MCEMP1: variants seen among roughly 807,000 people sequenced by gnomAD.
The protein encoded by MCEMP1 is mast cell expressed membrane protein 1, also known as mast cell-expressed membrane protein 1.
In MCEMP1, 17 loss-of-function variants were observed where a neutral mutation model predicts 27.9. The ratio of observed to expected loss-of-function variants is 0.61; its 90% CI spans 0.42 to 0.91. The LOEUF (loss-of-function observed/expected upper bound fraction) is 0.91, where lower values mean the gene tolerates loss of function less well. MCEMP1 is among the 40% of genes least tolerant of loss of function. The pLI is 0.00. For synonymous variants in MCEMP1, 88 were observed against 76.9 expected, an observed-to-expected ratio of 1.14 and a Z score of -0.76; for missense variants, 200 against 204.8, an observed-to-expected ratio of 0.98 and a Z score of 0.14.
In MCEMP1 at chr19:7,677,711, C is replaced by T. The variant is rs575394812; in HGVS notation, c.130C>T (p.Arg44Ter). Residue 44 changes from arginine to a stop codon, truncating the protein, a stop_gained, in exon 2 of 7, where the codon CGA becomes TGA. Transcript: ENST00000333598. LOFTEE classifies it high-confidence loss of function. This position sits in a 1 kb window ranked among gnomAD's most constrained non-coding sequence, Gnocchi z 4.6. ...NQDHAKGGHS[R>*]PTSQVPAQCR... ...GGACCATGCAAAGGGTGGTCATTCA[C>T]GACCCACGAGCCAAGGTGAGCAGAC... 13 of 1,608,158 alleles carry T rather than the reference C, an allele frequency of 8.1e-6. No individual in the cohort carries two copies. The highest frequency in any genetic ancestry group is 1.1e-5 in the South Asian group (1 of 90,258).
At position 7,679,001 on chromosome 19, in the gene MCEMP1, C is replaced by T; in HGVS notation, c.508+18C>T. On this transcript the variant is annotated intron_variant, in intron 6 of 6. Transcript: ENST00000333598. This position sits in a 1 kb window ranked among gnomAD's most constrained non-coding sequence, Gnocchi z 4.9. ...AATGCCACGTAAGTTGGCGCCCCGA[C>T]AGGAGGTGGAGGAGGGTGGGTGGGG... 1 of 1,599,616 alleles carries T rather than the reference C, an allele frequency of 6.3e-7. No individual in the cohort carries two copies. The highest frequency in any genetic ancestry group is 8.5e-7 in the Non-Finnish European group (1 of 1,172,268).
At position 7,679,191 on chromosome 19, in the gene MCEMP1, C is replaced by A. The variant is rs2032592088; in HGVS notation, c.*77C>A. 3 of 31,576 alleles carry A rather than the reference C, an allele frequency of 9.5e-5. No homozygotes were observed. Among genetic ancestry groups the A allele is most frequent in the Admixed American group, 1.8e-3 (1 of 564 alleles). 2.0% of individuals were successfully genotyped at this position (31,576 alleles called of 1,614,324 possible). Reference sequence around the variant, plus strand: ...CCTGCCAACGAAGACGGGAAATGACCCCCCCCCCCCAGCCTAGTGTGAACC... The same window carrying A: ...CCTGCCAACGAAGACGGGAAATGACACCCCCCCCCCAGCCTAGTGTGAACC... On this transcript the variant is annotated 3_prime_UTR_variant, in exon 7 of 7. Transcript: ENST00000333598. The surrounding 1 kb of genome is among the most constrained non-coding windows in gnomAD (Gnocchi z 4.9).
Position 7,678,785 on chromosome 19 carries a change from A to G in MCEMP1, c.449-139A>G, listed in dbSNP as rs1374550121. The G allele has an allele frequency of 1.8e-6, 2 of 1,105,942 alleles. No individual in the cohort carries two copies. The highest frequency in any genetic ancestry group is 1.3e-6 in the Non-Finnish European group (1 of 769,090). 68.5% of individuals were successfully genotyped at this position (1,105,942 alleles called of 1,614,324 possible). A position where few individuals can be genotyped will look rare whatever the true frequency, so the allele number is the denominator to read the frequency against. On this transcript the variant is annotated intron_variant, in intron 5 of 6. Coordinates refer to ENST00000333598, the MANE Select transcript of MCEMP1 (RefSeq NM_174918.3). This position sits in a 1 kb window ranked among gnomAD's most constrained non-coding sequence, Gnocchi z 4.8. ...TGTGGGTATTGAAAGGCTCCTGGGA[A>G]CCCCAAATCCATGGGCTCTGCTGTA...
chr19:7,677,678 A>G lies in MCEMP1; in HGVS notation c.97A>G (p.Lys33Glu), dbSNP rs1290244326. The G allele has an allele frequency of 6.2e-7, 1 of 1,613,746 alleles. No individual in the cohort carries two copies. Among genetic ancestry groups the G allele is most frequent in the Non-Finnish European group, 8.5e-7 (1 of 1,179,808 alleles). ...PDYENITLAF[K>E]NQDHAKGGHS... ...CTATGAGAATATCACCTTGGCCTTC[A>G]AAAATCAGGACCATGCAAAGGGTGG... is the stretch of plus-strand genomic sequence containing the variant. The change falls in exon 2 of 7, where the codon AAA becomes GAA. Residue 33 changes from lysine to glutamate, a missense_variant. Transcript: ENST00000333598. This position sits in a 1 kb window ranked among gnomAD's most constrained non-coding sequence, Gnocchi z 4.6.
chr19:7,678,474 C>G lies in MCEMP1; in HGVS notation c.335-17C>G. On this transcript the variant is annotated splice_polypyrimidine_tract_variant and intron_variant, in intron 4 of 6. Transcript: ENST00000333598. This position sits in a 1 kb window ranked among gnomAD's most constrained non-coding sequence, Gnocchi z 4.8. ...GAGAGGGATGGATGCACAGACACCC[C>G]TGTTTCATGCCCTCAGTCTCAAACT... 1 of 1,613,732 alleles carries G rather than the reference C, an allele frequency of 6.2e-7. No individual in the cohort carries two copies. Among genetic ancestry groups the G allele is most frequent in the South Asian group, 1.1e-5 (1 of 91,070 alleles).
At position 7,678,574 on chromosome 19, in the gene MCEMP1, A is replaced by G. The variant is rs756315122; in HGVS notation, c.418A>G (p.Lys140Glu). ...VQQSITMVRS[K>E]IDRLETTLAG... ...GCAGAGCATCACCATGGTCAGGAGC[A>G]AGATTGATAGATTAGAGACGACATT... The change falls in exon 5 of 7, where the codon AAG becomes GAG. Residue 140 changes from lysine to glutamate, a missense_variant. Transcript: ENST00000333598. The surrounding 1 kb of genome is among the most constrained non-coding windows in gnomAD (Gnocchi z 4.8). 6.2e-7 allele frequency: 1 copy of G among 1,614,088 alleles called. No homozygotes were observed. The highest frequency in any genetic ancestry group is 8.5e-7 in the Non-Finnish European group (1 of 1,179,958).
chr19:7,678,813 C>T lies in MCEMP1; in HGVS notation c.449-111C>T, dbSNP rs779493629. On this transcript the variant is annotated intron_variant, in intron 5 of 6. Transcript: ENST00000333598. This position sits in a 1 kb window ranked among gnomAD's most constrained non-coding sequence, Gnocchi z 4.8. ...CCAAATCCATGGGCTCTGCTGTACCCCAGGGTGGGTGTGGGGCAGGGGGGG... is the reference window on the plus strand; with the variant it reads ...CCAAATCCATGGGCTCTGCTGTACCTCAGGGTGGGTGTGGGGCAGGGGGGG... 1.7e-4 allele frequency: 215 copies of T among 1,234,660 alleles called. No individual in the cohort carries two copies. The highest frequency in any genetic ancestry group is 5.5e-4 in the Middle Eastern group (2 of 3,616). The allele number at this position is 1,234,660 out of a possible 1,614,324, so 76.5% of individuals were successfully genotyped here.
At position 7,679,097 on chromosome 19, in the gene MCEMP1, G is replaced by T; in HGVS notation, c.509-1G>T. The stretch of plus-strand genomic sequence containing the variant: ...CACTGTGGGTCTCTCCCCATCCCCA[G>T]AGTCCTCACCTCAATAAATGAGAGG... On this transcript the variant is annotated splice_acceptor_variant, in intron 6 of 6. Transcript: ENST00000333598. LOFTEE classifies it high-confidence loss of function. The surrounding 1 kb of genome is among the most constrained non-coding windows in gnomAD (Gnocchi z 4.9). 1 of 1,606,078 alleles carries T rather than the reference G, an allele frequency of 6.2e-7. No individual in the cohort carries two copies. Among genetic ancestry groups the T allele is most frequent in the South Asian group, 1.1e-5 (1 of 89,764 alleles).
rs1568481618 is a variant in MCEMP1, at chr19:7,679,449, AT to A, written c.*336del. ...GAGAGTCACAGTGAATGTGGCATGCATGCCTGTGTCATGTGACATATGTGAG... is the reference window on the plus strand; with the variant it reads ...GAGAGTCACAGTGAATGTGGCATGCAGCCTGTGTCATGTGACATATGTGAG... On this transcript the variant is annotated 3_prime_UTR_variant, in exon 7 of 7. Coordinates refer to ENST00000333598, the MANE Select transcript of MCEMP1 (RefSeq NM_174918.3). The surrounding 1 kb of genome is among the most constrained non-coding windows in gnomAD (Gnocchi z 4.9). 3.5e-5 allele frequency: 12 copies of A among 340,122 alleles called. No individual in the cohort carries two copies. The South Asian group carries it at 8.0e-4, about 23-fold the overall frequency. The allele number at this position is 340,122 out of a possible 1,614,324, so 21.1% of individuals were successfully genotyped here. A position where few individuals can be genotyped will look rare whatever the true frequency, so the allele number is the denominator to read the frequency against.
At position 7,678,672 on chromosome 19, in the gene MCEMP1, G is replaced by T; in HGVS notation, c.448+68G>T. ...AATGCCCGGAGCTGAGCTGGGGGCA[G>T]GGGATTCAGGGGAGGAGAAAGCCGG... is the stretch of plus-strand genomic sequence containing the variant. On this transcript the variant is annotated intron_variant, in intron 5 of 6. Transcript: ENST00000333598. This position sits in a 1 kb window ranked among gnomAD's most constrained non-coding sequence, Gnocchi z 4.8. The T allele has an allele frequency of 6.9e-7, 1 of 1,439,124 alleles. No homozygotes were observed. 89.1% of individuals were successfully genotyped at this position (1,439,124 alleles called of 1,614,324 possible).
In MCEMP1 at chr19:7,677,402, G is replaced by A. The variant is rs1295870048; in HGVS notation, c.55+227G>A. The stretch of plus-strand genomic sequence containing the variant: ...TGGGAGAGGTAAGGGGTCAAAGGTG[G>A]GGGCCGGGGGCTCCTTCCCCTCCAA... On this transcript the variant is annotated intron_variant, in intron 1 of 6. Transcript: ENST00000333598. This position sits in a 1 kb window ranked among gnomAD's most constrained non-coding sequence, Gnocchi z 4.6. 2.0e-5 allele frequency among the ~76,000 whole-genome samples: 3 copies of A among 152,090 alleles called. No homozygotes were observed. Among genetic ancestry groups the A allele is most frequent in the Admixed American group, 6.6e-5 (1 of 15,258 alleles).
rs2032563597 is a variant in MCEMP1, at chr19:7,677,281, A to G, written c.55+106A>G. ...TAGCACTTTGGGAGGCTGAGGCGGG[A>G]GGATTGCGTGAGCCCTGGAGGTGGA... On this transcript the variant is annotated intron_variant, in intron 1 of 6. Coordinates refer to ENST00000333598, the MANE Select transcript of MCEMP1 (RefSeq NM_174918.3). This position sits in a 1 kb window ranked among gnomAD's most constrained non-coding sequence, Gnocchi z 4.6. The G allele has an allele frequency of 2.0e-6, 2 of 1,015,538 alleles. No homozygotes were observed. The highest frequency in any genetic ancestry group is 5.3e-5 in the East Asian group (2 of 37,846). 62.9% of individuals were successfully genotyped at this position (1,015,538 alleles called of 1,614,324 possible).
rs1397028367 is a variant in MCEMP1 at position 7,678,559 on chromosome 19, A to G, written c.403A>G (p.Thr135Ala). 5 of 1,614,118 alleles carry G rather than the reference A, an allele frequency of 3.1e-6. No individual in the cohort carries two copies. The highest frequency in any genetic ancestry group is 4.2e-6 in the Non-Finnish European group (5 of 1,180,024). ...CTGGGATTCCGTTCAGCAGAGCATCACCATGGTCAGGAGCAAGATTGATAG... is the reference window on the plus strand; with the variant it reads ...CTGGGATTCCGTTCAGCAGAGCATCGCCATGGTCAGGAGCAAGATTGATAG... ...RGWDSVQQSITMVRSKIDRLE... is the reference protein window; with the variant it reads ...RGWDSVQQSIAMVRSKIDRLE... Residue 135 changes from threonine to alanine, a missense_variant, in exon 5 of 7, where the codon ACC becomes GCC. Coordinates refer to ENST00000333598, the MANE Select transcript of MCEMP1 (RefSeq NM_174918.3). The surrounding 1 kb of genome is among the most constrained non-coding windows in gnomAD (Gnocchi z 4.8).
chr19:7,677,728 T>TGA lies in MCEMP1; in HGVS notation c.145+4_145+5dup. On this transcript the variant is annotated splice_region_variant and intron_variant, in intron 2 of 6. Transcript: ENST00000333598. This position sits in a 1 kb window ranked among gnomAD's most constrained non-coding sequence, Gnocchi z 4.6. ...GTCATTCACGACCCACGAGCCAAGG[T>TGA]GAGCAGACACCCACCTGCTCACATC... 1 of 1,600,702 alleles carries TGA rather than the reference T, an allele frequency of 6.2e-7. No individual in the cohort carries two copies. The highest frequency in any genetic ancestry group is 8.5e-7 in the Non-Finnish European group (1 of 1,172,776).
Position 7,679,343 on chromosome 19 carries a change from T to TGTGC in MCEMP1, c.*235_*238dup. ...GCGCGTGTGTTCGTGTATGTGCGTG[T>TGTGC]GTGCGTGCGCGTGTGTGTGCATTTT... On this transcript the variant is annotated 3_prime_UTR_variant, in exon 7 of 7. Coordinates refer to ENST00000333598, the MANE Select transcript of MCEMP1 (RefSeq NM_174918.3). This position sits in a 1 kb window ranked among gnomAD's most constrained non-coding sequence, Gnocchi z 4.9. 1.8e-6 allele frequency: 1 copy of TGTGC among 567,962 alleles called. No individual in the cohort carries two copies. The highest frequency in any genetic ancestry group is 3.0e-5 in the East Asian group (1 of 33,492). The allele number at this position is 567,962 out of a possible 1,614,324, so 35.2% of individuals were successfully genotyped here.
In MCEMP1 at chr19:7,678,316, G is replaced by A. The variant is rs765828480; in HGVS notation, c.284-34G>A. The stretch of plus-strand genomic sequence containing the variant: ...TGTCCTTCTCTCTCTCTCTCCCTGG[G>A]TGCTTCAAGGATTTTCCTGCCCCTC... On this transcript the variant is annotated intron_variant, in intron 3 of 6. Transcript: ENST00000333598. This position sits in a 1 kb window ranked among gnomAD's most constrained non-coding sequence, Gnocchi z 4.8. The A allele has an allele frequency of 1.2e-6, 2 of 1,614,066 alleles. No homozygotes were observed. Among genetic ancestry groups the A allele is most frequent in the South Asian group, 1.1e-5 (1 of 91,074 alleles).
Position 7,678,668 on chromosome 19 carries a change from G to A in MCEMP1, c.448+64G>A. On this transcript the variant is annotated intron_variant, in intron 5 of 6. Coordinates refer to ENST00000333598, the MANE Select transcript of MCEMP1 (RefSeq NM_174918.3). This position sits in a 1 kb window ranked among gnomAD's most constrained non-coding sequence, Gnocchi z 4.8. ...CACCAATGCCCGGAGCTGAGCTGGG[G>A]GCAGGGGATTCAGGGGAGGAGAAAG... 6.7e-7 allele frequency: 1 copy of A among 1,493,368 alleles called. No homozygotes were observed. The highest frequency in any genetic ancestry group is 1.4e-5 in the African/African-American group (1 of 72,474). 92.5% of individuals were successfully genotyped at this position (1,493,368 alleles called of 1,614,324 possible).
rs144579994 is a variant in MCEMP1, at chr19:7,678,513, C to A, written c.357C>A (p.Cys119Ter). 1.9e-6 allele frequency: 3 copies of A among 1,613,982 alleles called. No individual in the cohort carries two copies. Among genetic ancestry groups the A allele is most frequent in the South Asian group, 1.1e-5 (1 of 91,088 alleles). The stretch of plus-strand genomic sequence containing the variant: ...CAGTCTCAAACTCCGTACAAGCATG[C>A]GAAGAGAGACAGAAGAGAGGCTGGG... ...LWNVSNSVQA[C>*]EERQKRGWDS... is the part of the protein sequence containing the mutation. The change falls in exon 5 of 7, where the codon TGC (cysteine) becomes TGA (stop). Residue 119 changes from cysteine to a stop codon, truncating the protein, a stop_gained. Transcript: ENST00000333598. LOFTEE classifies it high-confidence loss of function. The surrounding 1 kb of genome is among the most constrained non-coding windows in gnomAD (Gnocchi z 4.8).
rs1029922061 is a variant in MCEMP1, at chr19:7,678,481, A to G, written c.335-10A>G. The G allele has an allele frequency of 1.9e-6, 3 of 1,613,838 alleles. No individual in the cohort carries two copies. The highest frequency in any genetic ancestry group is 2.7e-5 in the African/African-American group (2 of 74,882). On this transcript the variant is annotated splice_polypyrimidine_tract_variant and intron_variant, in intron 4 of 6. Coordinates refer to ENST00000333598, the MANE Select transcript of MCEMP1 (RefSeq NM_174918.3). The surrounding 1 kb of genome is among the most constrained non-coding windows in gnomAD (Gnocchi z 4.8). ...ATGGATGCACAGACACCCCTGTTTC[A>G]TGCCCTCAGTCTCAAACTCCGTACA...
Sources: gnomAD v4.1 joint callset for allele counts (sites outside exome capture counted in the v4.1 genomes callset) on GRCh38, gnomAD v4.1.1 for gene constraint, Gnocchi (gnomAD v3.1) non-coding constraint, MANE v1.5 for transcripts, NCBI Gene and HGNC (gene_info 2026-07-23, HGNC 2026-07-21) for gene names.